ATRN: variants seen among roughly 807,000 people sequenced by gnomAD.
ATRN encodes attractin.
A neutral mutation model predicts 178.7 loss-of-function variants in ATRN; 54 were observed. The observed-to-expected ratio is 0.30, with a 90% CI of 0.24 to 0.38. The LOEUF (loss-of-function observed/expected upper bound fraction) is 0.38. Ranked by LOEUF, ATRN falls within the 10% of genes least tolerant of loss-of-function variation. ATRN has a pLI of 1.00. For missense variants in ATRN, 1,443 were observed against 1,815.1 expected (o/e 0.79, Z 3.73); for synonymous variants, 636 against 663.0 (o/e 0.96, Z 0.63).
At chr20:3,481,791 CTTTTTTTTTTTTT>C (rs780144563) in intron 1 of ATRN, among the ~76,000 whole-genome samples, 1 of 100,522 alleles carries the variant, frequency 9.9e-6, no homozygotes, top group Non-Finnish European at 2.1e-5. Context: ...GGTGAATTTC[CTTTTTTTTTTTTT>C]TTTTTTTTTA....
chr20:3,496,162 T>C (rs951667433), intron 1 of ATRN, among the ~76,000 whole-genome samples: 14 of 151,836 alleles, frequency 9.2e-5, no homozygotes, highest in Non-Finnish European at 1.6e-4. Context: ...TCAGTTCTGC[T>C]CTGATTTTAG....
At chr20:3,584,997 C>A in intron 18 of ATRN, 117 bp downstream of exon 18, 1 of 975,546 alleles carries the variant, frequency 1.0e-6, no homozygotes, top group Non-Finnish European at 1.5e-6. Context: ...TTCCTTCCTC[C>A]TAATGGTTGG....
At chr20:3,641,514 C>T (rs2087067429) in intron 27 of ATRN, among the ~76,000 whole-genome samples, 1 of 139,424 alleles carries the variant, frequency 7.2e-6, no homozygotes, top group Non-Finnish European at 1.5e-5. Flanking sequence ...TCATTTGAAC[C>T]TAGAAGGCAG....
At chr20:3,485,625 T>G (rs2084681511) in intron 1 of ATRN, among the ~76,000 whole-genome samples, 1 of 120,596 alleles carries the variant, frequency 8.3e-6, no homozygotes, top group Non-Finnish European at 1.8e-5. Context: ...TTTTTTTTTT[T>G]TTTTTTTTTT....
At chr20:3,560,594 G>C (rs2085937378) in intron 7 of ATRN, 68 bp from the exon 8 acceptor site, 1 of 1,319,156 alleles carries the variant, frequency 7.6e-7, no homozygotes, top group Non-Finnish European at 1.1e-6. Flanking sequence ...TTGAGCTTTT[G>C]TTCTTCTCTG....
intron 1 of ATRN, among the ~76,000 whole-genome samples, chr20:3,473,067 G>A (rs2084455242): frequency 1.3e-5 from 2 of 152,144 alleles, no homozygotes; most frequent in South Asian, 4.2e-4. Context: ...GTAACTTAGG[G>A]TGTTCTGATT....
At chr20:3,613,040 TAAG>T (rs761429996) in intron 24 of ATRN, among the ~76,000 whole-genome samples, 11 of 152,144 alleles carry the variant, frequency 7.2e-5, no homozygotes, top group African/African-American at 1.2e-4. Flanking sequence ...CACTTACTTC[TAAG>T]AAGTAATAAT....
intron 11 of ATRN, among the ~76,000 whole-genome samples, chr20:3,571,940 GTTT>G (rs749011396): frequency 3.3e-5 from 5 of 151,818 alleles, no homozygotes; most frequent in Non-Finnish European, 7.4e-5. Flanking sequence ...CTGCTTGTGT[GTTT>G]TGTTTTTCTC....
At chr20:3,594,313 T>C (rs1161600601) in intron 19 of ATRN, among the ~76,000 whole-genome samples, 166 bp from the exon 20 acceptor site, 3 of 152,240 alleles carry the variant, frequency 2.0e-5, no homozygotes, top group African/African-American at 7.2e-5. Context: ...TATACATTAT[T>C]ATCATTAGCT....
intron 1 of ATRN, among the ~76,000 whole-genome samples, chr20:3,512,477 T>C (rs1475226554): frequency 6.6e-6 from 1 of 152,154 alleles, no homozygotes; most frequent in African/African-American, 2.4e-5. Context: ...ACAGTGTATA[T>C]GTGCCACATT....
At chr20:3,492,872 C>T (rs1359265306) in intron 1 of ATRN, among the ~76,000 whole-genome samples, 6 of 105,696 alleles carry the variant, frequency 5.7e-5, no homozygotes, top group African/African-American at 2.6e-4. Context: ...CGCGCGTGCG[C>T]ACGCACACAC....
At chr20:3,487,453 G>C (rs990582034) in intron 1 of ATRN, among the ~76,000 whole-genome samples, 1 of 152,006 alleles carries the variant, frequency 6.6e-6, no homozygotes. Flanking sequence ...GGCTGGTCTT[G>C]AACTCCTGAT....
intron 12 of ATRN, among the ~76,000 whole-genome samples, chr20:3,574,324 C>G (rs1204643195): frequency 1.3e-5 from 2 of 152,136 alleles, no homozygotes; most frequent in East Asian, 3.9e-4. Context: ...CTAGCCTGGG[C>G]AACATAGTGA....
chr20:3,629,226 A>G (rs2086970869), intron 25 of ATRN: 1 of 985,064 alleles, frequency 1.0e-6, no homozygotes. Flanking sequence ...TCCAGAGAAG[A>G]CCTTTAAAGA....
At chr20:3,637,421 A>C (rs985636723) in intron 26 of ATRN, among the ~76,000 whole-genome samples, 2 of 152,190 alleles carry the variant, frequency 1.3e-5, no homozygotes, top group African/African-American at 4.8e-5. Context: ...ATTGCTGCAT[A>C]TATTAGTCGA....
At chr20:3,563,569 G>A (rs237640) in intron 10 of ATRN, among the ~76,000 whole-genome samples, 30,824 of 152,094 alleles carry the variant, frequency 0.2, 3,458 homozygotes, top group African/African-American at 0.26. Flanking sequence ...AATCACTCCT[G>A]TTAATTGCTT....
intron 1 of ATRN, among the ~76,000 whole-genome samples, chr20:3,495,611 A>G (rs1030104448): frequency 5.3e-5 from 8 of 152,118 alleles, no homozygotes; most frequent in Non-Finnish European, 8.8e-5. Flanking sequence ...AATTTAAACT[A>G]TAAAACAAAA....
rs753686535 is a variant in ATRN, at chr20:3,560,844, G to C, written c.1386G>C (p.Leu462=). Residue 462 remains leucine, a synonymous_variant, in exon 8 of 29, where the codon CTG becomes CTC. Coordinates refer to ENST00000262919, the MANE Select transcript of ATRN (RefSeq NM_139321.3). ...VTLKNGRVVM[L]VIFGHCPLYG... Reference sequence around the variant, plus strand: ...TGAAGAATGGCCGAGTGGTCATGCTGGTCATCTTTGGTCACTGCCCTCTCT... The same window carrying C: ...TGAAGAATGGCCGAGTGGTCATGCTCGTCATCTTTGGTCACTGCCCTCTCT... 3.7e-6 allele frequency: 6 copies of C among 1,613,960 alleles called. No individual in the cohort carries two copies. The Admixed American group carries it at 6.7e-5, about 18-fold the overall frequency.
At chr20:3,619,446 A>T (rs1211333056) in intron 24 of ATRN, among the ~76,000 whole-genome samples, 1 of 152,212 alleles carries the variant, frequency 6.6e-6, no homozygotes, top group Non-Finnish European at 1.5e-5. Flanking sequence ...GAGGCCAATG[A>T]AAGGTCCTTT....
Sources: gnomAD v4.1 joint callset for allele counts (sites outside exome capture counted in the v4.1 genomes callset) on GRCh38, gnomAD v4.1.1 for gene constraint, MANE v1.5 for transcripts, NCBI Gene and HGNC (gene_info 2026-07-23, HGNC 2026-07-21) for gene names.